The following RB1 variants were observed in gnomAD, a reference collection of about 807,000 sequenced individuals.
The protein encoded by RB1 is retinoblastoma-associated protein.
Under a neutral mutation model 135.4 loss-of-function variants are expected in RB1, and 18 were observed. The observed-to-expected ratio is 0.13, with a 90% CI of 0.09 to 0.20. The LOEUF is 0.20. RB1 is among the 10% of genes least tolerant of loss of function. The pLI is 1.00. For missense variants in RB1, 868 were observed against 1,110.0 expected (o/e 0.78, Z 3.10); for synonymous variants, 365 against 373.2 (o/e 0.98, Z 0.25).
intron 12 of RB1, among the ~76,000 whole-genome samples, chr13:48,376,049 A>G (rs966131538): frequency 6.6e-6 from 1 of 151,964 alleles, no homozygotes; most frequent in Non-Finnish European, 1.5e-5. Context: ...ATTTTAATAC[A>G]TCATCTTGTG....
chr13:48,419,605 T>A (rs1948972992), intron 17 of RB1, among the ~76,000 whole-genome samples: 1 of 152,106 alleles, frequency 6.6e-6, no homozygotes. Flanking sequence ...GGAGCTGGTT[T>A]TTTGAAAAGA....
chr13:48,477,882 TAATA>T (rs1224200918), intron 26 of RB1, among the ~76,000 whole-genome samples: 1 of 152,174 alleles, frequency 6.6e-6, no homozygotes. Flanking sequence ...ATCAGAATTT[TAATA>T]AAGAACACTT....
At position 48,364,911 on chromosome 13, in the gene RB1, CA is replaced by C; in HGVS notation, c.884del (p.Asn295IlefsTer6). 1 of 1,559,748 alleles carries C rather than the reference CA, an allele frequency of 6.4e-7. No homozygotes were observed. Among genetic ancestry groups the C allele is most frequent in the Non-Finnish European group, 8.7e-7 (1 of 1,148,778 alleles). On this transcript the variant is annotated frameshift_variant, in exon 9 of 27. Transcript: ENST00000267163. LOFTEE classifies it high-confidence loss of function. ...NIDEVKNVYF[K>X]NFIPFMNSLG... ...TTTTTCAGGTGAAAAATGTTTATTT[CA>C]AAAATTTTATACCTTTTATGAATTC...
chr13:48,316,280 G>C (rs778271457), intron 2 of RB1, among the ~76,000 whole-genome samples: 4 of 151,872 alleles, frequency 2.6e-5, no homozygotes, highest in Non-Finnish European at 4.4e-5. Flanking sequence ...TGGGGGGCGG[G>C]GGTGTCCTCT....
chr13:48,326,114 TGC>T (rs1952285300), intron 2 of RB1, among the ~76,000 whole-genome samples: 1 of 152,170 alleles, frequency 6.6e-6, no homozygotes, highest in South Asian at 2.1e-4. Context: ...TTTTTCCCTC[TGC>T]TCCAAGAAAC....
intron 17 of RB1, chr13:48,416,165 G>A (rs889207504): frequency 6.6e-6 from 1 of 152,176 alleles, no homozygotes; most frequent in African/African-American, 2.4e-5. Context: ...GGAACAGCTG[G>A]AGTCTGCAGC....
chr13:48,318,998 G>A lies in RB1; in HGVS notation c.264+11592G>A, dbSNP rs577837942. 3 of 731,432 alleles carry A rather than the reference G, an allele frequency of 4.1e-6. No homozygotes were observed. In the South Asian group the frequency reaches 4.1e-5, roughly 10 times the overall value. The allele number at this position is 731,432 out of a possible 1,614,324, so 45.3% of individuals were successfully genotyped here. A position where few individuals can be genotyped will look rare whatever the true frequency, so the allele number is the denominator to read the frequency against. ...GGACCTGTTGCTGCCTTACATGGGG[G>A]CCGGCAGGGTAGTCTTGGAAATGCC... On this transcript the variant is annotated intron_variant, in intron 2 of 26. Coordinates refer to ENST00000267163, the MANE Select transcript of RB1 (RefSeq NM_000321.3).
intron 5 of RB1, 57 bp downstream of exon 5, chr13:48,347,920 A>G (rs922664471): frequency 3.9e-6 from 5 of 1,282,368 alleles, no homozygotes; most frequent in Non-Finnish European, 4.5e-6. Flanking sequence ...TTATGGAATA[A>G]TCTCAAACAT....
intron 2 of RB1, among the ~76,000 whole-genome samples, chr13:48,330,467 T>C (rs1388620695): frequency 6.6e-6 from 1 of 151,990 alleles, no homozygotes; most frequent in Non-Finnish European, 1.5e-5. Flanking sequence ...AAATCAGGAA[T>C]GAAAGAGGAG....
chr13:48,472,530 GATA>G (rs2138353433), intron 23 of RB1, among the ~76,000 whole-genome samples: 1 of 152,178 alleles, frequency 6.6e-6, no homozygotes, highest in South Asian at 2.1e-4. Flanking sequence ...TTTTAATAGT[GATA>G]ATTAGTCCAT....
At chr13:48,453,762 T>C (rs1346514244) in intron 18 of RB1, among the ~76,000 whole-genome samples, 1 of 152,162 alleles carries the variant, frequency 6.6e-6, no homozygotes, top group Admixed American at 6.5e-5. Context: ...AAGGGTATGG[T>C]AATCCACATG....
chr13:48,346,368 ATATGTGTGTGTG>A (rs1334799123), intron 4 of RB1, among the ~76,000 whole-genome samples: 2 of 108,528 alleles, frequency 1.8e-5, no homozygotes, highest in African/African-American at 8.0e-5. Flanking sequence ...AATATTATAT[ATATGTGTGTGTG>A]TGTGTGTGTG....
rs2138354629 is a variant in RB1 at position 48,473,370 on chromosome 13, T to C, written c.2500T>C (p.Ser834Pro). 6.4e-7 allele frequency: 1 copy of C among 1,571,926 alleles called. No individual in the cohort carries two copies. The highest frequency in any genetic ancestry group is 2.2e-5 in the East Asian group (1 of 44,498). ...ATCTTAACTTGACAGAATCTTAGTA[T>C]CAATTGGTGAATCATTCGGGGTGAG... ...KMTPRSRILV[S>P]IGESFGTSEK... is the part of the protein sequence containing the mutation. The change falls in exon 24 of 27, where the codon TCA (serine) becomes CCA (proline). Residue 834 changes from serine to proline, a missense_variant. This residue lies in a region of RB1 where 196 missense variants were observed against 239.8 expected (regional missense o/e 0.82). Coordinates refer to ENST00000267163, the MANE Select transcript of RB1 (RefSeq NM_000321.3).
chr13:48,385,407 A>C (rs1391033350), intron 17 of RB1, among the ~76,000 whole-genome samples: 1 of 152,184 alleles, frequency 6.6e-6, no homozygotes, highest in Non-Finnish European at 1.5e-5. Context: ...CAGGAAGAAC[A>C]GATGCTAGTT....
At chr13:48,451,331 C>T (rs889352429) in intron 17 of RB1, among the ~76,000 whole-genome samples, 2 of 151,854 alleles carry the variant, frequency 1.3e-5, no homozygotes, top group African/African-American at 2.4e-5. Context: ...GAGTTTTTAA[C>T]ATTATGTTGA....
chr13:48,384,961 G>T (rs1393457384), intron 17 of RB1, among the ~76,000 whole-genome samples: 4 of 152,134 alleles, frequency 2.6e-5, no homozygotes, highest in African/African-American at 4.8e-5. Context: ...ATACCTAAGG[G>T]TTAGATGAAA....
chr13:48,423,260 G>GGTTTTT (rs200017466), intron 17 of RB1, among the ~76,000 whole-genome samples: 10 of 152,132 alleles, frequency 6.6e-5, no homozygotes, highest in South Asian at 2.1e-4. Context: ...TGCTGGGTTG[G>GGTTTTT]GTTTTTGTTT....
intron 2 of RB1, among the ~76,000 whole-genome samples, chr13:48,316,477 TTCTAA>T (rs1206576205): frequency 6.6e-6 from 1 of 152,082 alleles, no homozygotes; most frequent in African/African-American, 2.4e-5. Context: ...ACCAAATGTT[TTCTAA>T]TCTAAGACTT....
intron 13 of RB1, among the ~76,000 whole-genome samples, chr13:48,378,706 ATACTT>A (rs987445252): frequency 2.0e-5 from 3 of 152,138 alleles, no homozygotes; most frequent in Non-Finnish European, 4.4e-5. Flanking sequence ...TGTATGTACT[ATACTT>A]TTATATGACT....
Sources: allele counts gnomAD v4.1 joint callset (sites outside exome capture counted in the v4.1 genomes callset), GRCh38; gene constraint gnomAD v4.1.1; regional missense constraint gnomAD v4.1.1; transcripts MANE v1.5; gene names NCBI Gene and HGNC (gene_info 2026-07-23, HGNC 2026-07-21).